The following DNER variants were observed in gnomAD, a reference collection of about 807,000 sequenced individuals.
DNER encodes delta and Notch-like epidermal growth factor-related receptor.
A neutral mutation model predicts 78.2 loss-of-function variants in DNER; 33 were observed. The observed-to-expected ratio is 0.42, with a 90% CI of 0.32 to 0.56. The LOEUF is 0.56. Among genes scored for constraint, DNER ranks in the 20% least tolerant of loss-of-function variants. DNER has a pLI of 0.11. For missense variants in DNER, 918 were observed against 975.3 expected (o/e 0.94, Z 0.78); for synonymous variants, 417 against 384.8 (o/e 1.08, Z -0.98).
rs58371383 is a variant in DNER, at chr2:229,669,369, C to CATATATATAT, written c.276+44769_276+44778dup. On this transcript the variant is annotated intron_variant, in intron 1 of 12. Coordinates refer to ENST00000341772, the MANE Select transcript of DNER (RefSeq NM_139072.4). ...ATCCCAGAACTTTTATGTATACATACATATATATATATATATATAAAAGAA... is the reference window on the plus strand; with the variant it reads ...ATCCCAGAACTTTTATGTATACATACATATATATATATATATATATATATATATAAAAGAA... 9.3e-3 allele frequency among the ~76,000 whole-genome samples: 1,351 copies of CATATATATAT among 144,742 alleles called. 15 individuals carry two copies. The highest frequency in any genetic ancestry group is 0.027 in the South Asian group (123 of 4,510). The allele number at this position is 144,742 out of a possible 152,430, so 95.0% of individuals were successfully genotyped here. A position where few individuals can be genotyped will look rare whatever the true frequency, so the allele number is the denominator to read the frequency against.
intron 5 of DNER, among the ~76,000 whole-genome samples, chr2:229,520,331 T>C (rs1424139811): frequency 6.6e-6 from 1 of 152,066 alleles, no homozygotes; most frequent in Non-Finnish European, 1.5e-5. Flanking sequence ...AGGAGGACAG[T>C]CCCAAGCCAA....
intron 4 of DNER, among the ~76,000 whole-genome samples, chr2:229,548,077 T>C (rs1696659369): frequency 1.3e-5 from 2 of 152,150 alleles, no homozygotes; most frequent in Admixed American, 1.3e-4. Flanking sequence ...AAAAGCCTCA[T>C]CATTACAAAG....
chr2:229,469,935 A>T (rs570269965), intron 7 of DNER, among the ~76,000 whole-genome samples: 1 of 152,148 alleles, frequency 6.6e-6, no homozygotes, highest in African/African-American at 2.4e-5. Flanking sequence ...ACAGACTGAG[A>T]CTCCAACTCA....
chr2:229,586,509 A>T (rs1353386971), intron 3 of DNER, among the ~76,000 whole-genome samples: 3 of 82 alleles, frequency 0.037, no homozygotes, highest in Non-Finnish European at 0.17. Context: ...CATTTTTGGT[A>T]AAAAAAAAAA....
intron 1 of DNER, among the ~76,000 whole-genome samples, chr2:229,647,059 T>C (rs7565407): frequency 0.73 from 110,577 of 152,084 alleles, 41,921 homozygotes; most frequent in Non-Finnish European, 0.83. Context: ...CCCAGCTACT[T>C]GGGAGGCTGA....
intron 11 of DNER, among the ~76,000 whole-genome samples, chr2:229,376,530 C>T (rs115620569): frequency 1.3e-5 from 2 of 152,038 alleles, no homozygotes; most frequent in Non-Finnish European, 2.9e-5. Context: ...ATAGCAAAAC[C>T]CCTCAAATGT....
intron 5 of DNER, among the ~76,000 whole-genome samples, chr2:229,519,009 G>A (rs1380393090): frequency 2.7e-5 from 4 of 150,216 alleles, no homozygotes; most frequent in Non-Finnish European, 1.5e-5. Flanking sequence ...TCTAGTTGAA[G>A]TTTAGCTTTA....
chr2:229,485,544 C>T (rs1468350290), intron 6 of DNER, among the ~76,000 whole-genome samples: 1 of 152,022 alleles, frequency 6.6e-6, no homozygotes, highest in African/African-American at 2.4e-5. Flanking sequence ...AACAGCATAC[C>T]ATCTGAGTGA....
chr2:229,627,442 A>T (rs990390261), intron 1 of DNER, among the ~76,000 whole-genome samples: 1 of 152,234 alleles, frequency 6.6e-6, no homozygotes, highest in African/African-American at 2.4e-5. Context: ...TAAAAGCTTA[A>T]CCACTTGGTA....
intron 1 of DNER, among the ~76,000 whole-genome samples, chr2:229,603,387 A>G (rs1033637495): frequency 1.3e-5 from 2 of 152,230 alleles, no homozygotes; most frequent in Non-Finnish European, 2.9e-5. Flanking sequence ...TGTTGTGCAC[A>G]TGTACCCTAA....
chr2:229,684,194 G>C (rs1348888580), intron 1 of DNER, among the ~76,000 whole-genome samples: 1 of 150,950 alleles, frequency 6.6e-6, no homozygotes, highest in African/African-American at 2.4e-5. Flanking sequence ...GTGTGTGTGT[G>C]TGTGTGTGTG....
At chr2:229,660,149 AGG>A (rs1698984678) in intron 1 of DNER, among the ~76,000 whole-genome samples, 1 of 152,088 alleles carries the variant, frequency 6.6e-6, no homozygotes, top group Non-Finnish European at 1.5e-5. Flanking sequence ...TAAGTTCAGG[AGG>A]ACACGTGCAG....
rs552879608 is a variant in DNER, at chr2:229,646,690, G to A, written c.277-54802C>T. Among the ~76,000 whole-genome samples the A allele has an allele frequency of 4.6e-5, 7 of 152,334 alleles. No homozygotes were observed. The East Asian group carries it at 1.4e-3, about 29-fold the overall frequency. On this transcript the variant is annotated intron_variant, in intron 1 of 12. Coordinates refer to ENST00000341772, the MANE Select transcript of DNER (RefSeq NM_139072.4). ...AAGTATTTTTGACCTTGTGTTATTG[G>A]CACAACCTTCTGACATCCACTTACT...
chr2:229,460,785 C>T (rs977558365), intron 7 of DNER, among the ~76,000 whole-genome samples: 1 of 152,056 alleles, frequency 6.6e-6, no homozygotes, highest in African/African-American at 2.4e-5. Flanking sequence ...TGAGTCAAAA[C>T]TAGCTTGTCA....
At position 229,591,321 on chromosome 2, in the gene DNER, C is replaced by A. The variant is rs1457082728; in HGVS notation, c.585+259G>T. On this transcript the variant is annotated intron_variant, in intron 2 of 12. Coordinates refer to ENST00000341772, the MANE Select transcript of DNER (RefSeq NM_139072.4). The surrounding 1 kb of genome is among the most constrained non-coding windows in gnomAD (Gnocchi z 4.6). ...CATGACTACACTGAGCTGTCTTCCC[C>A]AAAATCTAAGATTATCTCACAGAAA... Among the ~76,000 whole-genome samples the A allele has an allele frequency of 6.6e-6, 1 of 152,186 alleles. No individual in the cohort carries two copies. The highest frequency in any genetic ancestry group is 1.9e-4 in the East Asian group (1 of 5,196).
chr2:229,499,745 T>C (rs1695575180), intron 6 of DNER, among the ~76,000 whole-genome samples: 1 of 152,016 alleles, frequency 6.6e-6, no homozygotes. Context: ...AAAAAGCTTC[T>C]GCATGGCAAA....
chr2:229,537,228 C>T (rs1464330199), intron 5 of DNER, among the ~76,000 whole-genome samples: 1 of 152,090 alleles, frequency 6.6e-6, no homozygotes, highest in Non-Finnish European at 1.5e-5. Flanking sequence ...ACCCCCGACC[C>T]CGCCAAAAAA....
chr2:229,437,486 G>A (rs2106357971), intron 8 of DNER, among the ~76,000 whole-genome samples: 1 of 152,302 alleles, frequency 6.6e-6, no homozygotes, highest in South Asian at 2.1e-4. Context: ...GAATTTAAAT[G>A]CATAGTGAAG....
chr2:229,411,828 A>T (rs1168479116), intron 9 of DNER, among the ~76,000 whole-genome samples: 1 of 152,192 alleles, frequency 6.6e-6, no homozygotes, highest in Non-Finnish European at 1.5e-5. Flanking sequence ...ATTATGAGTG[A>T]GCAGAACAAT....
Sources: allele counts gnomAD v4.1 joint callset (sites outside exome capture counted in the v4.1 genomes callset), GRCh38; gene constraint gnomAD v4.1.1; non-coding constraint Gnocchi (gnomAD v3.1); transcripts MANE v1.5; gene names NCBI Gene and HGNC (gene_info 2026-07-23, HGNC 2026-07-21).